Variants in SLC13A3 observed in about 807,000 individuals in gnomAD.
SLC13A3 encodes Na(+)/dicarboxylate cotransporter 3.
SLC13A3 carries 40 observed loss-of-function variants against 59.0 expected under a neutral mutation model. The observed-to-expected ratio is 0.68, with a 90% CI of 0.53 to 0.88. SLC13A3 has a LOEUF of 0.88. Among genes scored for constraint, SLC13A3 ranks in the 40% least tolerant of loss-of-function variants. The probability of loss-of-function intolerance (pLI) is 0.00; values close to 1 mark genes in which losing one functional copy is unlikely to be tolerated. For synonymous variants in SLC13A3, 317 were observed against 330.3 expected (o/e 0.96, Z 0.44); for missense variants, 699 against 783.2 (o/e 0.89, Z 1.28).
At chr20:46,568,221 C>A (rs371406381) in intron 10 of SLC13A3, among the ~76,000 whole-genome samples, 17 of 151,124 alleles carry the variant, frequency 1.1e-4, no homozygotes, top group African/African-American at 3.4e-4. Context: ...TGGTGAAACC[C>A]CATCTCTACT....
At chr20:46,683,474 A>T (rs867298430) in intron 1 of SLC13A3, among the ~76,000 whole-genome samples, 1 of 152,148 alleles carries the variant, frequency 6.6e-6, no homozygotes, top group Non-Finnish European at 1.5e-5. Flanking sequence ...ATAATAAAAG[A>T]CTGGGGTGGG....
At position 46,588,109 on chromosome 20, in the gene SLC13A3, G is replaced by A; in HGVS notation, c.1071C>T (p.Phe357=). 6.2e-7 allele frequency: 1 copy of A among 1,613,190 alleles called. No individual in the cohort carries two copies. Among genetic ancestry groups the A allele is most frequent in the South Asian group, 1.1e-5 (1 of 91,004 alleles). ...ILFCMFAILL[F]TRDPKFIPGW... ...CAGGGATGAACTTCGGGTCCCGGGTGAAGAGGAGGATGGCAAACATGCAGA... is the reference window on the plus strand; with the variant it reads ...CAGGGATGAACTTCGGGTCCCGGGTAAAGAGGAGGATGGCAAACATGCAGA... Residue 357 remains phenylalanine (F), a synonymous_variant, in exon 8 of 13, where the codon TTC becomes TTT. Transcript: ENST00000279027.
intron 9 of SLC13A3, chr20:46,582,631 C>T (rs1433789847): frequency 1.0e-6 from 1 of 984,744 alleles, no homozygotes; most frequent in African/African-American, 1.8e-5. Flanking sequence ...AAAGAAAGAA[C>T]TGTTTATGGA....
intron 3 of SLC13A3, among the ~76,000 whole-genome samples, chr20:46,607,961 T>C (rs1040176066): frequency 6.6e-6 from 1 of 152,114 alleles, no homozygotes; most frequent in Non-Finnish European, 1.5e-5. Context: ...ACAGTAAACA[T>C]TGGTTATTAT....
chr20:46,607,834 G>T (rs953826386), intron 3 of SLC13A3, among the ~76,000 whole-genome samples: 5 of 152,226 alleles, frequency 3.3e-5, no homozygotes, highest in African/African-American at 1.2e-4. Flanking sequence ...GTAACGGGGG[G>T]TGGGAGGACT....
At chr20:46,646,437 T>C (rs2062895370) in intron 1 of SLC13A3, among the ~76,000 whole-genome samples, 1 of 152,234 alleles carries the variant, frequency 6.6e-6, no homozygotes, top group Non-Finnish European at 1.5e-5. Flanking sequence ...TGAGAAAATC[T>C]GTGGCTATTG....
chr20:46,626,908 T>C (rs924975097), intron 1 of SLC13A3, among the ~76,000 whole-genome samples: 17 of 152,168 alleles, frequency 1.1e-4, no homozygotes, highest in African/African-American at 3.9e-4. Flanking sequence ...CCCCCTTCTA[T>C]CTCTGGCTGG....
intron 5 of SLC13A3, among the ~76,000 whole-genome samples, chr20:46,595,875 C>T (rs1000398237): frequency 6.6e-6 from 1 of 152,018 alleles, no homozygotes; most frequent in Admixed American, 6.6e-5. Context: ...AAACTAGCAC[C>T]CCACTCTCCT....
intron 9 of SLC13A3, among the ~76,000 whole-genome samples, chr20:46,582,118 G>A (rs2062144568): frequency 6.6e-6 from 1 of 151,978 alleles, no homozygotes; most frequent in South Asian, 2.1e-4. Context: ...CAAGACCCCT[G>A]TTCCTACAAA....
chr20:46,568,241 T>A (rs868323634), intron 10 of SLC13A3, among the ~76,000 whole-genome samples: 73 of 149,370 alleles, frequency 4.9e-4, no homozygotes, highest in African/African-American at 1.6e-3. Flanking sequence ...TAAAAAAAAA[T>A]ACAAAAATTA....
At chr20:46,640,361 C>A (rs1484970196) in intron 1 of SLC13A3, among the ~76,000 whole-genome samples, 2 of 152,092 alleles carry the variant, frequency 1.3e-5, no homozygotes, top group Non-Finnish European at 2.9e-5. Context: ...ACCGGCAGGG[C>A]AGGGGCTTGC....
intron 1 of SLC13A3, among the ~76,000 whole-genome samples, chr20:46,683,323 T>C (rs2063162621): frequency 6.6e-6 from 1 of 152,196 alleles, no homozygotes; most frequent in Admixed American, 6.5e-5. Context: ...GGGGGAATGC[T>C]GGTAGCTGTG....
intron 9 of SLC13A3, among the ~76,000 whole-genome samples, chr20:46,576,239 T>G (rs2062075114): frequency 6.6e-6 from 1 of 152,148 alleles, no homozygotes; most frequent in Non-Finnish European, 1.5e-5. Context: ...CTGTTGTCAC[T>G]ACTCCGTCGT....
chr20:46,613,715 C>G lies in SLC13A3; in HGVS notation c.122G>C (p.Cys41Ser). The G allele has an allele frequency of 6.3e-7, 1 of 1,599,388 alleles. No homozygotes were observed. The highest frequency in any genetic ancestry group is 8.5e-7 in the Non-Finnish European group (1 of 1,172,168). ...CGCCATGAGCAGGATGACAAACAAG[C>G]AGCGGCCTTCCTGCAGGAGGAGATG... ...VFALPPKEGRCLFVILLMAVY... is the reference protein window; with the variant it reads ...VFALPPKEGRSLFVILLMAVY... The change falls in exon 2 of 13, where the codon TGC becomes TCC. Residue 41 changes from cysteine (C) to serine (S), a missense_variant. Cys to Ser is a moderately radical substitution (Grantham distance 112). Coordinates refer to ENST00000279027, the MANE Select transcript of SLC13A3 (RefSeq NM_022829.6).
intron 8 of SLC13A3, chr20:46,584,045 C>T (rs1328689784): frequency 2.0e-6 from 2 of 985,214 alleles, no homozygotes; most frequent in Non-Finnish European, 2.4e-6. Flanking sequence ...TCAGCTTGTG[C>T]TTGAATCCCT....
At chr20:46,655,266 TATGTATACAC>T (rs2062976707), upstream of SLC13A3, among the ~76,000 whole-genome samples, 1 of 150,364 alleles carries the variant, frequency 6.7e-6, no homozygotes, top group South Asian at 2.1e-4. Flanking sequence ...TATATACACA[TATGTATACAC>T]ATATATACAC....
chr20:46,615,782 C>G (rs1044951907), intron 1 of SLC13A3, among the ~76,000 whole-genome samples: 1 of 152,186 alleles, frequency 6.6e-6, no homozygotes, highest in Non-Finnish European at 1.5e-5. Flanking sequence ...AGTCCCTTAG[C>G]TTTTCTATCA....
intron 1 of SLC13A3, among the ~76,000 whole-genome samples, chr20:46,632,934 T>C (rs1262267481): frequency 2.0e-5 from 2 of 102,192 alleles, no homozygotes; most frequent in Admixed American, 9.7e-5. Context: ...TATCTATCTA[T>C]CTATCTATCT....
At chr20:46,656,115 G>A (rs1181217170), upstream of SLC13A3, among the ~76,000 whole-genome samples, 4 of 137,872 alleles carry the variant, frequency 2.9e-5, no homozygotes, top group South Asian at 4.5e-4. Context: ...ATATTATACT[G>A]TATATAATAT....
Sources: gnomAD v4.1 joint callset for allele counts (sites outside exome capture counted in the v4.1 genomes callset) on GRCh38, gnomAD v4.1.1 for gene constraint, MANE v1.5 for transcripts, NCBI Gene and HGNC (gene_info 2026-07-23, HGNC 2026-07-21) for gene names.